The following IRAK4 variants were observed in gnomAD, a reference collection of about 807,000 sequenced individuals.
IRAK4 encodes the protein interleukin 1 receptor associated kinase 4.
In IRAK4, 44 loss-of-function variants were observed where a neutral mutation model predicts 51.8. The observed-to-expected ratio is 0.85, with a 90% CI of 0.67 to 1.09. IRAK4 has a LOEUF of 1.09. Ranked by LOEUF, IRAK4 falls within the 50% of genes least tolerant of loss-of-function variation. The pLI, the probability that IRAK4 is intolerant of heterozygous loss-of-function variation, is 0.00. For synonymous variants in IRAK4, 149 were observed against 174.1 expected, an observed-to-expected ratio of 0.86 and a Z score of 1.13; for missense variants, 487 against 538.0, an observed-to-expected ratio of 0.91 and a Z score of 0.94.
At chr12:43,782,134 T>C (rs1260953755) in intron 8 of IRAK4, among the ~76,000 whole-genome samples, 173 bp from the exon 9 acceptor site, 1 of 152,216 alleles carries the variant, frequency 6.6e-6, no homozygotes, top group Non-Finnish European at 1.5e-5. Context: ...CTATAAACTT[T>C]AGGCTTTTAT....
intron 1 of IRAK4, among the ~76,000 whole-genome samples, chr12:43,762,103 A>G (rs1565658693): frequency 6.6e-6 from 1 of 152,240 alleles, no homozygotes; most frequent in Non-Finnish European, 1.5e-5. Flanking sequence ...AAACAAAACT[A>G]TCATAAAAGT....
At position 43,776,399 on chromosome 12, in the gene IRAK4, G is replaced by A. The variant is rs989799051; in HGVS notation, c.717-1231G>A. 3.2e-4 allele frequency among the ~76,000 whole-genome samples: 49 copies of A among 152,176 alleles called. 1 individual carries two copies. Among genetic ancestry groups the A allele is most frequent in the Non-Finnish European group, 6.9e-4 (47 of 68,032 alleles). Reference sequence around the variant, plus strand: ...AACTACTCATGTTTAAAATGTGCCAGTTTGGTGGAAAATGGGACACTTACT... The same window carrying A: ...AACTACTCATGTTTAAAATGTGCCAATTTGGTGGAAAATGGGACACTTACT... On this transcript the variant is annotated intron_variant, in intron 6 of 11. Transcript: ENST00000613694.
rs780005506 is a variant in IRAK4, at chr12:43,778,194, A to G, written c.833A>G (p.Asp278Gly). 6.4e-7 allele frequency: 1 copy of G among 1,562,346 alleles called. No individual in the cohort carries two copies. Among genetic ancestry groups the G allele is most frequent in the East Asian group, 2.2e-5 (1 of 44,538 alleles). ...GSLLDRLSCL[D>G]GTPPLSWHMR... Reference sequence around the variant, plus strand: ...TAATTTGGTTTATTTCTTTATAAGGATGGTACTCCACCACTTTCTTGGCAC... The same window carrying G: ...TAATTTGGTTTATTTCTTTATAAGGGTGGTACTCCACCACTTTCTTGGCAC... The change falls in exon 8 of 12, where the codon GAT becomes GGT. Residue 278 changes from aspartate to glycine, a missense_variant and splice_region_variant. Coordinates refer to ENST00000613694, the MANE Select transcript of IRAK4 (RefSeq NM_016123.4).
At position 43,786,497 on chromosome 12, in the gene IRAK4, G is replaced by A. The variant is rs1279895769; in HGVS notation, c.1287G>A (p.Met429Ile). 1 of 1,613,422 alleles carries A rather than the reference G, an allele frequency of 6.2e-7. No homozygotes were observed. The highest frequency in any genetic ancestry group is 2.2e-5 in the East Asian group (1 of 44,782). Residue 429 changes from methionine to isoleucine, a missense_variant, in exon 11 of 12, where the codon ATG (methionine) becomes ATA (isoleucine). Transcript: ENST00000613694. ...NDADSTSVEA[M>I]YSVASQCLHE... ...CTGATTCCACTTCAGTTGAAGCTAT[G>A]TACTCTGTTGCTAGTCAATGTCTGC...
intron 2 of IRAK4, 83 bp downstream of exon 2, chr12:43,768,355 G>C: frequency 9.4e-7 from 1 of 1,068,042 alleles, no homozygotes; most frequent in Non-Finnish European, 1.4e-6. Context: ...GTCTAATGTG[G>C]CAGTTTAGAA....
intron 10 of IRAK4, 125 bp downstream of exon 10, chr12:43,783,849 G>A (rs760857761): frequency 1.0e-5 from 7 of 689,500 alleles, no homozygotes; most frequent in South Asian, 3.2e-5. Flanking sequence ...GCTATTACAC[G>A]ACAGCATATG....
chr12:43,765,018 G>T (rs1157399256), intron 1 of IRAK4, among the ~76,000 whole-genome samples: 2 of 152,106 alleles, frequency 1.3e-5, no homozygotes, highest in African/African-American at 2.4e-5. Flanking sequence ...TGCTTTGATT[G>T]TGCTTTAGGA....
chr12:43,772,439 C>A, intron 4 of IRAK4, 77 bp downstream of exon 4: 2 of 1,339,356 alleles, frequency 1.5e-6, no homozygotes, highest in African/African-American at 2.9e-5. Flanking sequence ...AGCTCTTGCT[C>A]TTTTGTTTGT....
intron 2 of IRAK4, among the ~76,000 whole-genome samples, chr12:43,769,290 G>A (rs1233867970): frequency 6.6e-6 from 1 of 152,166 alleles, no homozygotes; most frequent in Admixed American, 6.5e-5. Flanking sequence ...TTCATGCAAG[G>A]CTCATCACTG....
Position 43,774,754 on chromosome 12 carries a change from T to C in IRAK4, c.716+725T>C, listed in dbSNP as rs373608076. The stretch of plus-strand genomic sequence containing the variant: ...TGTAAGGATGCTTAGAAGGCATTGA[T>C]CCTGTGTGCTGGAAAATTGTTGGAC... On this transcript the variant is annotated intron_variant, in intron 6 of 11. Coordinates refer to ENST00000613694, the MANE Select transcript of IRAK4 (RefSeq NM_016123.4). Among the ~76,000 whole-genome samples, 4 of 152,312 alleles carry C rather than the reference T, an allele frequency of 2.6e-5. No individual in the cohort carries two copies. The East Asian group carries it at 7.7e-4, about 29-fold the overall frequency.
At chr12:43,785,898 A>G (rs1942173897) in intron 10 of IRAK4, among the ~76,000 whole-genome samples, 1 of 152,108 alleles carries the variant, frequency 6.6e-6, no homozygotes, top group Non-Finnish European at 1.5e-5. Context: ...GTAAACATAA[A>G]AGAGGTACAG....
intron 1 of IRAK4, among the ~76,000 whole-genome samples, chr12:43,760,386 C>T (rs1332769479): frequency 6.6e-6 from 1 of 152,180 alleles, no homozygotes; most frequent in South Asian, 2.1e-4. Context: ...TCCTTTATTC[C>T]CAGCAGCCCC....
intron 8 of IRAK4, among the ~76,000 whole-genome samples, chr12:43,782,072 A>G (rs77580061): frequency 1.6e-5 from 1 of 64,106 alleles, no homozygotes; most frequent in Non-Finnish European, 4.0e-5. Flanking sequence ...GAAACATAAA[A>G]AAAGAGGACA....
At chr12:43,766,142 A>T (rs1257937057) in intron 1 of IRAK4, among the ~76,000 whole-genome samples, 1 of 152,154 alleles carries the variant, frequency 6.6e-6, no homozygotes, top group Non-Finnish European at 1.5e-5. Context: ...TTAGTTTATA[A>T]GTTCAAACTC....
At chr12:43,775,210 T>G (rs533789020) in intron 6 of IRAK4, among the ~76,000 whole-genome samples, 53 of 152,322 alleles carry the variant, frequency 3.5e-4, no homozygotes, top group Non-Finnish European at 7.2e-4. Flanking sequence ...ATCAAACTTT[T>G]TTTTTCAGGA....
intron 5 of IRAK4, among the ~76,000 whole-genome samples, chr12:43,773,545 A>G (rs1191926622): frequency 2.6e-5 from 4 of 152,070 alleles, no homozygotes; most frequent in Non-Finnish European, 1.5e-5. Flanking sequence ...TATATTCTAA[A>G]TCTTTTGTTA....
intron 8 of IRAK4, among the ~76,000 whole-genome samples, chr12:43,778,628 A>G (rs926763109): frequency 2.0e-5 from 3 of 152,104 alleles, no homozygotes; most frequent in African/African-American, 7.2e-5. Context: ...TTCATCCTCC[A>G]TGAGTACTTT....
Position 43,773,955 on chromosome 12 carries a change from A to G in IRAK4, c.652-10A>G, listed in dbSNP as rs757692253. 7.0e-6 allele frequency: 11 copies of G among 1,570,124 alleles called. No individual in the cohort carries two copies. The highest frequency in any genetic ancestry group is 9.6e-6 in the Non-Finnish European group (11 of 1,141,264). ...TGTGTAGTATTACATTGTATATTTT[A>G]TTTTTTCAGATGGTTGACATTACTA... On this transcript the variant is annotated splice_polypyrimidine_tract_variant and intron_variant, in intron 5 of 11. Transcript: ENST00000613694.
intron 2 of IRAK4, 53 bp from the exon 3 acceptor site, chr12:43,771,167 A>G: frequency 1.4e-6 from 2 of 1,465,242 alleles, no homozygotes; most frequent in Non-Finnish European, 1.9e-6. Context: ...ATTGCAGCAC[A>G]AAATGGACTA....
Sources: gnomAD v4.1 joint callset for allele counts (sites outside exome capture counted in the v4.1 genomes callset) on GRCh38, gnomAD v4.1.1 for gene constraint, MANE v1.5 for transcripts, NCBI Gene and HGNC (gene_info 2026-07-23, HGNC 2026-07-21) for gene names.